The following DSE variants were observed in gnomAD, a reference collection of about 807,000 sequenced individuals.
DSE encodes dermatan sulfate epimerase.
Under a neutral mutation model 84.4 loss-of-function variants are expected in DSE, and 36 were observed. The observed-to-expected ratio is 0.43, with a 90% confidence interval of 0.33 to 0.56. The LOEUF (loss-of-function observed/expected upper bound fraction) is 0.56. DSE is among the 20% of genes least tolerant of loss of function. The pLI, the probability that DSE is intolerant of heterozygous loss-of-function variation, is 0.06. For synonymous variants in DSE, 410 were observed against 430.1 expected (o/e 0.95, Z 0.58); for missense variants, 862 against 1,169.6 (o/e 0.74, Z 3.84).
intron 2 of DSE, among the ~76,000 whole-genome samples, chr6:116,348,548 AT>A (rs1309425547): frequency 5.9e-5 from 9 of 152,214 alleles, no homozygotes; most frequent in African/African-American, 2.2e-4. Flanking sequence ...TAGTTCAACC[AT>A]TGTGGAAGAC....
At chr6:116,323,941 C>T (rs1208640462) in intron 2 of DSE, among the ~76,000 whole-genome samples, 1 of 151,984 alleles carries the variant, frequency 6.6e-6, no homozygotes, top group African/African-American at 2.4e-5. Context: ...CTGATTTATC[C>T]AACTCTTCTC....
Position 116,278,896 on chromosome 6 carries a change from A to G in DSE, c.-54+19929A>G, listed in dbSNP as rs1773300585. ...CTTGCAACCGGTTCTAGGGTGTCTG[A>G]GTTCCTTCACCTCTAAATTGGTTAT... On this transcript the variant is annotated intron_variant, in intron 2 of 3. Transcript: ENST00000430252. The G allele has an allele frequency of 1.9e-6, 3 of 1,614,138 alleles. No homozygotes were observed. In the East Asian group the frequency reaches 6.7e-5, roughly 36 times the overall value.
At chr6:116,371,752 G>C (rs1317971957) in intron 1 of DSE, among the ~76,000 whole-genome samples, 1 of 152,248 alleles carries the variant, frequency 6.6e-6, no homozygotes, top group Non-Finnish European at 1.5e-5. Context: ...CCGGGGAGGG[G>C]AGGAGGCGGG....
intron 1 of DSE, among the ~76,000 whole-genome samples, chr6:116,388,245 A>C (rs1002806924): frequency 3.3e-5 from 5 of 152,206 alleles, no homozygotes; most frequent in African/African-American, 1.2e-4. Context: ...GAGAACTAGG[A>C]CCACTGTTGG....
intron 2 of DSE, among the ~76,000 whole-genome samples, chr6:116,408,112 A>G (rs890522653): frequency 1.3e-5 from 2 of 152,092 alleles, no homozygotes; most frequent in Non-Finnish European, 2.9e-5. Context: ...CAATTCCTAT[A>G]GTTACTTTTT....
intron 2 of DSE, 63 bp from the exon 3 acceptor site, chr6:116,426,511 T>C (rs1302926285): frequency 2.5e-6 from 4 of 1,573,882 alleles, no homozygotes; most frequent in Admixed American, 3.4e-5. Flanking sequence ...ATAGACACTT[T>C]AGAAGTGTGG....
intron 2 of DSE, 88 bp downstream of exon 2, chr6:116,399,754 T>TGTACC: frequency 7.8e-7 from 1 of 1,286,320 alleles, no homozygotes; most frequent in Non-Finnish European, 1.1e-6. Context: ...CAGATCTTCA[T>TGTACC]GTACCTCTTT....
At chr6:116,393,736 C>T (rs1781055565) in intron 1 of DSE, among the ~76,000 whole-genome samples, 1 of 152,176 alleles carries the variant, frequency 6.6e-6, no homozygotes. Context: ...TCAAATTTGG[C>T]ACATATTATA....
At chr6:116,304,920 T>C (rs753630774) in intron 2 of DSE, among the ~76,000 whole-genome samples, 1 of 152,230 alleles carries the variant, frequency 6.6e-6, no homozygotes, top group African/African-American at 2.4e-5. Context: ...CTGAGCTGTT[T>C]AGGTTTATCC....
chr6:116,427,892 A>G (rs1783552365), intron 3 of DSE, among the ~76,000 whole-genome samples: 1 of 152,196 alleles, frequency 6.6e-6, no homozygotes, highest in African/African-American at 2.4e-5. Context: ...AAACCTAAAG[A>G]AAATTAAAAC....
At chr6:116,433,298 T>C in intron 4 of DSE, 45 bp from the exon 5 acceptor site, 2 of 1,532,966 alleles carry the variant, frequency 1.3e-6, no homozygotes, top group Non-Finnish European at 1.8e-6. Context: ...TATAGGAGTG[T>C]GAAGTTTTCA....
intron 2 of DSE, among the ~76,000 whole-genome samples, chr6:116,354,362 T>C (rs550880573): frequency 2.0e-5 from 3 of 152,324 alleles, no homozygotes; most frequent in Non-Finnish European, 4.4e-5. Context: ...GTCATTGTTC[T>C]TGAGTCGGGC....
At chr6:116,433,593 G>T (rs9942469) in intron 5 of DSE, 43 bp downstream of exon 5, 1 of 1,570,704 alleles carries the variant, frequency 6.4e-7, no homozygotes, top group South Asian at 1.2e-5. Context: ...TGGTACCCAA[G>T]GGTACTATTC....
In DSE at chr6:116,296,419, C is replaced by T. The variant is rs368976045; in HGVS notation, c.-54+37452C>T. The stretch of plus-strand genomic sequence containing the variant: ...TTGAACAAGACATGCTAAATCCCTG[C>T]CTATTAGGAGTTTATATTTTGATGC... On this transcript the variant is annotated intron_variant, in intron 2 of 3. Coordinates refer to the DSE transcript ENST00000430252. 2.4e-4 allele frequency among the ~76,000 whole-genome samples: 37 copies of T among 151,996 alleles called. No homozygotes were observed. In the East Asian group the frequency reaches 6.0e-3, roughly 25 times the overall value.
chr6:116,276,265 T>C (rs1773139351), intron 2 of DSE, among the ~76,000 whole-genome samples: 1 of 151,848 alleles, frequency 6.6e-6, no homozygotes, highest in African/African-American at 2.4e-5. Flanking sequence ...AATAGAGGAG[T>C]ACATCACATA....
At chr6:116,278,744 G>C (rs779397957) in intron 2 of DSE, 2 of 1,614,102 alleles carry the variant, frequency 1.2e-6, no homozygotes, top group Admixed American at 3.3e-5. Flanking sequence ...AAGGACTGGG[G>C]TTCATGCCCC....
chr6:116,383,179 G>A (rs1780347847), intron 1 of DSE, among the ~76,000 whole-genome samples: 1 of 152,198 alleles, frequency 6.6e-6, no homozygotes, highest in African/African-American at 2.4e-5. Context: ...TGAATCACCT[G>A]ACAGGTGATC....
chr6:116,354,543 G>A (rs759466748), intron 2 of DSE, among the ~76,000 whole-genome samples: 2 of 152,146 alleles, frequency 1.3e-5, no homozygotes, highest in Non-Finnish European at 2.9e-5. Context: ...CTGTCAAAAT[G>A]GGAAGGGGCT....
At chr6:116,325,187 G>A (rs375824778) in intron 2 of DSE, among the ~76,000 whole-genome samples, 6 of 152,322 alleles carry the variant, frequency 3.9e-5, no homozygotes, top group Admixed American at 3.9e-4. Flanking sequence ...GGAAAAGGTG[G>A]ATTTTCTGCA....
Sources: gnomAD v4.1 joint callset for allele counts (sites outside exome capture counted in the v4.1 genomes callset) on GRCh38, gnomAD v4.1.1 for gene constraint, MANE v1.5 for transcripts, NCBI Gene and HGNC (gene_info 2026-07-23, HGNC 2026-07-21) for gene names.